SPTBN2: variants seen among roughly 807,000 people sequenced by gnomAD.
The protein encoded by SPTBN2 is spectrin beta chain, non-erythrocytic 2.
SPTBN2 carries 107 observed loss-of-function variants against 284.2 expected under a neutral mutation model. That is an observed-to-expected ratio of 0.38 (90% CI 0.32 to 0.44). The LOEUF (loss-of-function observed/expected upper bound fraction) is 0.44, where lower values mean the gene tolerates loss of function less well. SPTBN2 is among the 20% of genes least tolerant of loss of function. The pLI is 1.00. For synonymous variants in SPTBN2, 1,289 were observed against 1,354.8 expected (o/e 0.95, Z 1.07); for missense variants, 2,569 against 3,287.1 (o/e 0.78, Z 5.34).
At chr11:66,709,336 C>T (rs1941735676) in intron 10 of SPTBN2, among the ~76,000 whole-genome samples, 1 of 152,092 alleles carries the variant, frequency 6.6e-6, no homozygotes. Context: ...CACCACCACA[C>T]CTGGCTAATT....
chr11:66,724,518 G>T (rs961664083), intron 1 of SPTBN2, among the ~76,000 whole-genome samples: 16 of 152,202 alleles, frequency 1.1e-4, no homozygotes, highest in African/African-American at 3.6e-4. Context: ...AACTGTTGAG[G>T]TTTGCAAACC....
Position 66,692,592 on chromosome 11 carries a change from C to T in SPTBN2, c.5134G>A (p.Glu1712Lys). 1 of 1,606,782 alleles carries T rather than the reference C, an allele frequency of 6.2e-7. No homozygotes were observed. Among genetic ancestry groups the T allele is most frequent in the Non-Finnish European group, 8.5e-7 (1 of 1,179,960 alleles). Residue 1712 changes from glutamate to lysine, a missense_variant, in exon 26 of 38, where the codon GAG becomes AAG. By Grantham distance (56) the Glu-to-Lys change is moderately conservative. Transcript: ENST00000533211. ...TGGGAGGCCGCCACCACCTCGCGCTCCTGGATCCACTGTTCCAGGTCATCC... is the reference window on the plus strand; with the variant it reads ...TGGGAGGCCGCCACCACCTCGCGCTTCTGGATCCACTGTTCCAGGTCATCC... ...ELDDLEQWIQEREVVAASHEL... is the reference protein window; with the variant it reads ...ELDDLEQWIQKREVVAASHEL...
At chr11:66,713,312 A>T (rs1043479089) in intron 8 of SPTBN2, among the ~76,000 whole-genome samples, 16 of 150,386 alleles carry the variant, frequency 1.1e-4, no homozygotes, top group African/African-American at 3.7e-4. Context: ...AAAGATATAT[A>T]TTTTTTTTGG....
upstream of SPTBN2, among the ~76,000 whole-genome samples, chr11:66,732,360 A>G (rs1942819132): frequency 1.3e-5 from 2 of 152,194 alleles, no homozygotes; most frequent in South Asian, 4.1e-4. Flanking sequence ...GGAAATGGAG[A>G]AAAGAGGCCG....
rs1194594559 is a variant in SPTBN2 at position 66,682,766 on chromosome 11, TA to T, written c.*3104del. On this transcript the variant is annotated 3_prime_UTR_variant, in exon 38 of 38. Coordinates refer to ENST00000533211, the MANE Select transcript of SPTBN2 (RefSeq NM_006946.4). ...AAATATATTTTTCTCTACATAATCC[TA>T]TTTTTTTTTTTTTGAGACAGGGTCT... 6.6e-6 allele frequency among the ~76,000 whole-genome samples: 1 copy of T among 151,858 alleles called. No individual in the cohort carries two copies. Among genetic ancestry groups the T allele is most frequent in the Non-Finnish European group, 1.5e-5 (1 of 67,952 alleles).
In SPTBN2 at chr11:66,683,606, G is replaced by T. The variant is rs890772658; in HGVS notation, c.*2265C>A. Among the ~76,000 whole-genome samples, 1 of 152,148 alleles carries T rather than the reference G, an allele frequency of 6.6e-6. No individual in the cohort carries two copies. The highest frequency in any genetic ancestry group is 1.9e-4 in the East Asian group (1 of 5,196). ...AATCATGCCCTGAAGTCCTGCTGCC[G>T]CATATGCAGATGCTGCTCGGGGTCT... is the stretch of plus-strand genomic sequence containing the variant. On this transcript the variant is annotated 3_prime_UTR_variant, in exon 38 of 38. Coordinates refer to ENST00000533211, the MANE Select transcript of SPTBN2 (RefSeq NM_006946.4).
At chr11:66,722,656 G>A (rs946286176) in intron 1 of SPTBN2, among the ~76,000 whole-genome samples, 2 of 151,504 alleles carry the variant, frequency 1.3e-5, no homozygotes, top group African/African-American at 2.4e-5. Flanking sequence ...ACTTTTAGGA[G>A]GCCAAGGCGG....
intron 28 of SPTBN2, 37 bp from the exon 29 acceptor site, chr11:66,689,980 C>T: frequency 2.5e-6 from 4 of 1,613,388 alleles, no homozygotes; most frequent in Non-Finnish European, 3.4e-6. Flanking sequence ...CTGCTGCCCA[C>T]AGCCCCATCA....
In SPTBN2 at chr11:66,709,136, T is replaced by A. The variant is rs1028484539; in HGVS notation, c.1074-117A>T. 6 of 832,242 alleles carry A rather than the reference T, an allele frequency of 7.2e-6. No individual in the cohort carries two copies. The Middle Eastern group carries it at 1.1e-3, about 156-fold the overall frequency. The allele number at this position is 832,242 out of a possible 1,614,324, so 51.6% of individuals were successfully genotyped here. On this transcript the variant is annotated intron_variant, in intron 10 of 37. Coordinates refer to ENST00000533211, the MANE Select transcript of SPTBN2 (RefSeq NM_006946.4). Reference sequence around the variant, plus strand: ...TTCTTCTTACAAAAGCAATATAAACTTTTTATGTGGAAGCCAGAAAATATG... The same window carrying A: ...TTCTTCTTACAAAAGCAATATAAACATTTTATGTGGAAGCCAGAAAATATG...
At position 66,721,333 on chromosome 11, in the gene SPTBN2, C is replaced by G; in HGVS notation, c.-23+17G>C. On this transcript the variant is annotated intron_variant, in intron 2 of 37. Transcript: ENST00000533211. ...GCCCTCCACTCACCACCGGGGCCTT[C>G]TGTCTTCTTGCCCTACCTGTGCTCC... 6.5e-7 allele frequency: 1 copy of G among 1,537,448 alleles called. No homozygotes were observed. Among genetic ancestry groups the G allele is most frequent in the Non-Finnish European group, 9.0e-7 (1 of 1,114,320 alleles).
chr11:66,693,598 C>T lies in SPTBN2; in HGVS notation c.4594-152G>A. On this transcript the variant is annotated intron_variant, in intron 23 of 37. Coordinates refer to ENST00000533211, the MANE Select transcript of SPTBN2 (RefSeq NM_006946.4). This position sits in a 1 kb window ranked among gnomAD's most constrained non-coding sequence, Gnocchi z 5.7. ...GTGCGATGGTAACACCCGTCAGCCG[C>T]CCAGCCCCCACTATCTCCTACTGAG... 1 of 1,399,800 alleles carries T rather than the reference C, an allele frequency of 7.1e-7. No homozygotes were observed. Among genetic ancestry groups the T allele is most frequent in the Non-Finnish European group, 9.7e-7 (1 of 1,027,266 alleles). The allele number at this position is 1,399,800 out of a possible 1,614,324, so 86.7% of individuals were successfully genotyped here.
In SPTBN2 at chr11:66,718,882, G is replaced by A. The variant is rs547281431; in HGVS notation, c.157+2202C>T. On this transcript the variant is annotated intron_variant, in intron 3 of 37. Coordinates refer to ENST00000533211, the MANE Select transcript of SPTBN2 (RefSeq NM_006946.4). The surrounding 1 kb of genome is among the most constrained non-coding windows in gnomAD (Gnocchi z 4.8). Reference sequence around the variant, plus strand: ...GTTGGACAGTGTTGGGGAGGGGAGAGAGGCGGAGTGTGGCCGGCGGGGGCA... The same window carrying A: ...GTTGGACAGTGTTGGGGAGGGGAGAAAGGCGGAGTGTGGCCGGCGGGGGCA... Among the ~76,000 whole-genome samples, 3 of 152,362 alleles carry A rather than the reference G, an allele frequency of 2.0e-5. No individual in the cohort carries two copies. Among genetic ancestry groups the A allele is most frequent in the East Asian group, 1.9e-4 (1 of 5,186 alleles).
In SPTBN2 at chr11:66,707,641, C is replaced by T. The variant is rs1290261816; in HGVS notation, c.1528G>A (p.Ala510Thr). ...TGCCGCAAGAAGTCCCAGAGCCGTG[C>T]CACGTTGTGCTGCCGAGCGGCGATG... ...KRIAARQHNV[A>T]RLWDFLRQMV... Residue 510 changes from alanine to threonine, a missense_variant, in exon 13 of 38, where the codon GCA becomes ACA. Physicochemically the swap from Ala to Thr is moderately conservative, Grantham distance 58 (BLOSUM62 0). Transcript: ENST00000533211. This position sits in a 1 kb window ranked among gnomAD's most constrained non-coding sequence, Gnocchi z 4.9. The T allele has an allele frequency of 6.2e-7, 1 of 1,609,342 alleles. No individual in the cohort carries two copies. The highest frequency in any genetic ancestry group is 8.5e-7 in the Non-Finnish European group (1 of 1,179,954).
intron 1 of SPTBN2, among the ~76,000 whole-genome samples, chr11:66,744,100 A>T: frequency 6.6e-6 from 1 of 152,020 alleles, no homozygotes; most frequent in Non-Finnish European, 1.5e-5. Flanking sequence ...ACCTCAGGTG[A>T]TCCACTCGCT....
At chr11:66,706,145 T>C (rs545813431) in intron 13 of SPTBN2, among the ~76,000 whole-genome samples, 59 of 152,184 alleles carry the variant, frequency 3.9e-4, no homozygotes, top group Non-Finnish European at 7.1e-4. Flanking sequence ...CCAGCAGCCT[T>C]CCTTCCACAT....
Position 66,684,132 on chromosome 11 carries a change from A to G in SPTBN2, c.*1739T>C, listed in dbSNP as rs941499317. 2.6e-5 allele frequency among the ~76,000 whole-genome samples: 4 copies of G among 152,182 alleles called. No individual in the cohort carries two copies. Among genetic ancestry groups the G allele is most frequent in the African/African-American group, 4.8e-5 (2 of 41,428 alleles). On this transcript the variant is annotated 3_prime_UTR_variant, in exon 38 of 38. Transcript: ENST00000533211. ...ATGACTGATGATAGGCCCGCAGTCA[A>G]TGACTAAAGATGGGGCTGCCTTCCT...
Position 66,705,142 on chromosome 11 carries a change from G to A in SPTBN2, c.2134C>T (p.His712Tyr), listed in dbSNP as rs1036146396. The stretch of plus-strand genomic sequence containing the variant: ...GCAGAGGCCTGGCTTGCCCCAGGGT[G>A]ACCCTCGGCCACCAACTGCTGGCCC... Reference protein sequence around the residue: ...EQGQQLVAEGHPGASQASARA... With the variant: ...EQGQQLVAEGYPGASQASARA... Residue 712 changes from histidine to tyrosine, a missense_variant, in exon 15 of 38, where the codon CAC becomes TAC. Transcript: ENST00000533211. The A allele has an allele frequency of 1.3e-5, 20 of 1,538,678 alleles. No individual in the cohort carries two copies. In the African/African-American group the frequency reaches 2.5e-4, roughly 19 times the overall value.
chr11:66,689,505 T>C (rs1443454038), intron 29 of SPTBN2: 2 of 547,510 alleles, frequency 3.7e-6, no homozygotes, highest in African/African-American at 1.9e-5. Context: ...ACACAACCCA[T>C]GGAGGCCAGG....
chr11:66,706,249 C>T (rs1327120833), intron 13 of SPTBN2, among the ~76,000 whole-genome samples: 1 of 152,238 alleles, frequency 6.6e-6, no homozygotes, highest in East Asian at 1.9e-4. Context: ...CACAGGCCTT[C>T]TTCAGAGTAG....
Sources: allele counts gnomAD v4.1 joint callset (sites outside exome capture counted in the v4.1 genomes callset), GRCh38; gene constraint gnomAD v4.1.1; non-coding constraint Gnocchi (gnomAD v3.1); transcripts MANE v1.5; gene names NCBI Gene and HGNC (gene_info 2026-07-23, HGNC 2026-07-21).